Variants in ZNF197 observed in about 807,000 individuals in gnomAD.
ZNF197 encodes zinc finger protein 197, also known as VHL-associated KRAB-A domain-containing protein.
A neutral mutation model predicts 27.4 loss-of-function variants in ZNF197; 14 were observed. The observed-to-expected ratio is 0.51, with a 90% confidence interval of 0.34 to 0.80. ZNF197 has a LOEUF of 0.80. ZNF197 is among the 30% of genes least tolerant of loss of function. The pLI, the probability that ZNF197 is intolerant of heterozygous loss-of-function variation, is 0.02. For missense variants in ZNF197, 1,090 were observed against 1,222.6 expected (o/e 0.89, Z 1.62); for synonymous variants, 415 against 420.0 (o/e 0.99, Z 0.15).
Position 44,629,364 on chromosome 3 carries a change from G to C in ZNF197, c.210G>C (p.Trp70Cys). Residue 70 changes from tryptophan (W) to cysteine (C), a missense_variant, in exon 2 of 6, where the codon TGG (tryptophan) becomes TGC (cysteine). Transcript: ENST00000344387. ...LSRLRELCRR[W>C]LRPEARTKAQ... ...GGCTCAGGGAACTCTGTCGCCGGTGGCTGAGACCAGAAGCACGCACCAAGG... is the reference window on the plus strand; with the variant it reads ...GGCTCAGGGAACTCTGTCGCCGGTGCCTGAGACCAGAAGCACGCACCAAGG... The C allele has an allele frequency of 6.2e-7, 1 of 1,614,126 alleles. No individual in the cohort carries two copies. Among genetic ancestry groups the C allele is most frequent in the Non-Finnish European group, 8.5e-7 (1 of 1,180,024 alleles).
At chr3:44,630,797 C>T (rs1043549394) in intron 2 of ZNF197, 8 of 619,324 alleles carry the variant, frequency 1.3e-5, no homozygotes, top group Non-Finnish European at 2.4e-5. Context: ...CCCATTCCCT[C>T]CTTAACCCAC....
At position 44,643,164 on chromosome 3, in the gene ZNF197, T is replaced by C. The variant is rs768660674; in HGVS notation, c.2034T>C (p.Tyr678=). ...HQRFHTGENL[Y]ECKDCGKVFG... ...GGTTCCACACTGGAGAGAATCTCTA[T>C]GAATGTAAAGATTGTGGTAAGGTCT... Residue 678 remains tyrosine, a synonymous_variant, in exon 6 of 6, where the codon TAT becomes TAC. Coordinates refer to ENST00000344387, the MANE Select transcript of ZNF197 (RefSeq NM_006991.5). 6.2e-7 allele frequency: 1 copy of C among 1,612,434 alleles called. No individual in the cohort carries two copies.
chr3:44,644,992 AATG>A lies in ZNF197; in HGVS notation c.*773_*775del. The stretch of plus-strand genomic sequence containing the variant: ...AACCTGAACAGACAGTATGATCCAG[AATG>A]TCAGGTGTGGAGTTGGGCGGACAAG... On this transcript the variant is annotated 3_prime_UTR_variant, in exon 6 of 6. Transcript: ENST00000344387. The A allele has an allele frequency of 1.0e-6, 1 of 985,476 alleles. No individual in the cohort carries two copies. The highest frequency in any genetic ancestry group is 1.2e-6 in the Non-Finnish European group (1 of 829,934). 61.0% of individuals were successfully genotyped at this position (985,476 alleles called of 1,614,324 possible).
Position 44,645,365 on chromosome 3 carries a change from A to G in ZNF197, c.*1145A>G, listed in dbSNP as rs930062693. 10 of 972,962 alleles carry G rather than the reference A, an allele frequency of 1.0e-5. No homozygotes were observed. Among genetic ancestry groups the G allele is most frequent in the East Asian group, 1.1e-4 (1 of 8,832 alleles). The allele number at this position is 972,962 out of a possible 1,614,324, so 60.3% of individuals were successfully genotyped here. On this transcript the variant is annotated 3_prime_UTR_variant, in exon 6 of 6. Transcript: ENST00000344387. ...AGGAACCTAAAAGATACTCATTTTCATAAGAGGAAGTATGGTGAATAGCTA... is the reference window on the plus strand; with the variant it reads ...AGGAACCTAAAAGATACTCATTTTCGTAAGAGGAAGTATGGTGAATAGCTA...
Position 44,632,108 on chromosome 3 carries a change from C to A in ZNF197, c.554C>A (p.Ser185Tyr), listed in dbSNP as rs1702047172. 6.2e-7 allele frequency: 1 copy of A among 1,614,110 alleles called. No individual in the cohort carries two copies. The highest frequency in any genetic ancestry group is 1.1e-5 in the South Asian group (1 of 91,076). Residue 185 changes from serine to tyrosine, a missense_variant, in exon 4 of 6, where the codon TCT becomes TAT. Coordinates refer to ENST00000344387, the MANE Select transcript of ZNF197 (RefSeq NM_006991.5). ...AFNLQDPQHD[S>Y]PAPEASALSQ... ...GCAGCTTTTTCTCCCTCCTCAGATT[C>A]TCCTGCCCCTGAAGCTTCTGCCCTT...
chr3:44,639,497 A>G (rs2125816690), intron 5 of ZNF197, among the ~76,000 whole-genome samples: 1 of 149,182 alleles, frequency 6.7e-6, no homozygotes, highest in Non-Finnish European at 1.5e-5. Flanking sequence ...TATTGATTCA[A>G]TTTCTTTCCC....
intron 1 of ZNF197, among the ~76,000 whole-genome samples, chr3:44,625,750 GCACACACACACACA>G (rs56833441): frequency 8.1e-5 from 12 of 148,960 alleles, no homozygotes; most frequent in Non-Finnish European, 1.2e-4. Context: ...GCGCGCGCGC[GCACACACACACACA>G]CACACACACA....
At position 44,647,409 on chromosome 3, in the gene ZNF197, C is replaced by G. The variant is rs1002416428; in HGVS notation, c.*3189C>G. On this transcript the variant is annotated 3_prime_UTR_variant, in exon 6 of 6. Coordinates refer to ENST00000344387, the MANE Select transcript of ZNF197 (RefSeq NM_006991.5). ...ATAATTTGGCAGTTTCTTGTAAAACCACACATGTATATGTCATGCTTCAGG... is the reference window on the plus strand; with the variant it reads ...ATAATTTGGCAGTTTCTTGTAAAACGACACATGTATATGTCATGCTTCAGG... The G allele has an allele frequency of 6.6e-6, 1 of 151,958 alleles. No homozygotes were observed. The highest frequency in any genetic ancestry group is 2.4e-5 in the African/African-American group (1 of 41,346). The allele number at this position is 151,958 out of a possible 1,614,324, so 9.4% of individuals were successfully genotyped here. A position where few individuals can be genotyped will look rare whatever the true frequency, so the allele number is the denominator to read the frequency against.
At chr3:44,631,732 C>T (rs1172940226) in intron 3 of ZNF197, among the ~76,000 whole-genome samples, 3 of 146,316 alleles carry the variant, frequency 2.1e-5, no homozygotes, top group African/African-American at 5.1e-5. Context: ...GATGGAGTCT[C>T]GCTCTGTTGC....
chr3:44,632,191 C>T lies in ZNF197; in HGVS notation c.637C>T (p.Pro213Ser). 1 of 1,614,128 alleles carries T rather than the reference C, an allele frequency of 6.2e-7. No homozygotes were observed. The highest frequency in any genetic ancestry group is 8.5e-7 in the Non-Finnish European group (1 of 1,179,978). Residue 213 changes from proline (P) to serine (S), a missense_variant, in exon 4 of 6, where the codon CCC becomes TCC. Transcript: ENST00000344387. ...LMALMLLTAQ[P>S]QELVMFEEVS... ...GGCACTTATGCTCCTAACAGCCCAG[C>T]CCCAGGTAAGGTTTGCATCCTCTTT...
At chr3:44,637,016 G>C (rs574661470) in intron 5 of ZNF197, among the ~76,000 whole-genome samples, 1 of 152,240 alleles carries the variant, frequency 6.6e-6, no homozygotes, top group East Asian at 1.9e-4. Context: ...GGAGAAAACT[G>C]TCTATTCAGA....
At chr3:44,629,675 ATAAT>A in intron 2 of ZNF197, 131 bp downstream of exon 2, 9 of 1,210,820 alleles carry the variant, frequency 7.4e-6, no homozygotes, top group African/African-American at 1.5e-5. Context: ...AACCTTAATG[ATAAT>A]TAAAGCAGGT....
chr3:44,625,682 A>C (rs1170402219), intron 1 of ZNF197, among the ~76,000 whole-genome samples: 1 of 152,184 alleles, frequency 6.6e-6, no homozygotes, highest in Non-Finnish European at 1.5e-5. Context: ...TACTTCAGGC[A>C]ATACATTTTA....
At chr3:44,636,498 T>C (rs1309638432) in intron 5 of ZNF197, among the ~76,000 whole-genome samples, 5 of 152,218 alleles carry the variant, frequency 3.3e-5, no homozygotes, top group Non-Finnish European at 7.3e-5. Context: ...TCATTTGTGA[T>C]TGGCTTCTTT....
chr3:44,630,548 C>T (rs1197060018), intron 2 of ZNF197, among the ~76,000 whole-genome samples: 2 of 152,106 alleles, frequency 1.3e-5, no homozygotes, highest in East Asian at 3.8e-4. Context: ...CTATATATTT[C>T]GTTACAAATT....
rs114781566 is a variant in ZNF197 at position 44,629,554 on chromosome 3, A to G, written c.390+10A>G. 1.7e-3 allele frequency: 2,640 copies of G among 1,540,264 alleles called. 44 individuals carry two copies. In the African/African-American group the frequency reaches 0.033, roughly 19 times the overall value. On this transcript the variant is annotated intron_variant, in intron 2 of 5. Coordinates refer to ENST00000344387, the MANE Select transcript of ZNF197 (RefSeq NM_006991.5). ...TGGACCAGCAATACAAGTGAGAAAG[A>G]CAGGGAGGGGCGGTGGGTGTTGGGA...
intron 4 of ZNF197, 95 bp from the exon 5 acceptor site, chr3:44,632,378 G>A: frequency 6.6e-7 from 1 of 1,519,908 alleles, no homozygotes; most frequent in Non-Finnish European, 8.9e-7. Flanking sequence ...ATGCACTCAT[G>A]GCCTCACAGT....
chr3:44,634,228 T>G (rs935438547), intron 5 of ZNF197, among the ~76,000 whole-genome samples: 1 of 152,190 alleles, frequency 6.6e-6, no homozygotes, highest in Non-Finnish European at 1.5e-5. Context: ...TCTCTTCATA[T>G]GTTTATTGGT....
chr3:44,637,996 C>T (rs1702396024), intron 5 of ZNF197, among the ~76,000 whole-genome samples: 1 of 152,142 alleles, frequency 6.6e-6, no homozygotes, highest in Non-Finnish European at 1.5e-5. Context: ...TTTGAAGAAG[C>T]AAGCTGAGAT....
Sources: allele counts gnomAD v4.1 joint callset (sites outside exome capture counted in the v4.1 genomes callset), GRCh38; gene constraint gnomAD v4.1.1; transcripts MANE v1.5; gene names NCBI Gene and HGNC (gene_info 2026-07-23, HGNC 2026-07-21).